PLPPR1: variants seen among roughly 807,000 people sequenced by gnomAD.
PLPPR1 encodes phospholipid phosphatase related 1, also known as phospholipid phosphatase-related protein type 1.
In PLPPR1, 10 loss-of-function variants were observed where a neutral mutation model predicts 33.1. The ratio of observed to expected loss-of-function variants is 0.30; its 90% CI spans 0.19 to 0.51. The LOEUF (loss-of-function observed/expected upper bound fraction) is 0.51. Ranked by LOEUF, PLPPR1 falls within the 20% of genes least tolerant of loss-of-function variation. PLPPR1 has a pLI of 0.97. For missense variants in PLPPR1, 304 were observed against 408.1 expected (o/e 0.74, Z 2.20); for synonymous variants, 151 against 151.0 (o/e 1.00, Z 0.00).
chr9:101,278,747 C>A (rs1290454629), intron 3 of PLPPR1, among the ~76,000 whole-genome samples: 1 of 152,172 alleles, frequency 6.6e-6, no homozygotes, highest in Non-Finnish European at 1.5e-5. Flanking sequence ...TCCCAGACTT[C>A]AAGCCTGTGA....
intron 1 of PLPPR1, among the ~76,000 whole-genome samples, chr9:101,093,188 C>T (rs1024058669): frequency 2.0e-5 from 3 of 152,176 alleles, no homozygotes; most frequent in Non-Finnish European, 4.4e-5. Flanking sequence ...ATAGCACTTT[C>T]ATCTAAATTA....
Position 101,300,464 on chromosome 9 carries a change from A to C in PLPPR1, c.386-8747A>C, listed in dbSNP as rs149861275. ...GATATTATAGGTGTGAGCAGAAACT[A>C]TTTAAGTTATTACATTAGAACATAA... On this transcript the variant is annotated intron_variant, in intron 4 of 7. Transcript: ENST00000374874. Among the ~76,000 whole-genome samples, 271 of 152,286 alleles carry C rather than the reference A, an allele frequency of 1.8e-3. 1 individual carries two copies. Among genetic ancestry groups the C allele is most frequent in the African/African-American group, 6.0e-3 (251 of 41,564 alleles).
At chr9:101,180,091 CCTTTATATATATAT>C (rs60047335) in intron 1 of PLPPR1, among the ~76,000 whole-genome samples, 1 of 93,874 alleles carries the variant, frequency 1.1e-5, no homozygotes, top group Non-Finnish European at 2.1e-5. Flanking sequence ...AATAAACTCT[CCTTTATATATATAT>C]ATATATATAT....
chr9:101,269,348 G>A (rs945304891), intron 2 of PLPPR1, among the ~76,000 whole-genome samples: 1 of 152,130 alleles, frequency 6.6e-6, no homozygotes, highest in East Asian at 1.9e-4. Flanking sequence ...TTAGGGTGTC[G>A]AAATTTCCCT....
chr9:101,291,624 G>A (rs1237119027), intron 4 of PLPPR1, among the ~76,000 whole-genome samples: 4 of 152,186 alleles, frequency 2.6e-5, no homozygotes, highest in South Asian at 2.1e-4. Flanking sequence ...AGCAGCATTC[G>A]CAGTTTACGA....
rs573603973 is a variant in PLPPR1, at chr9:101,258,435, T to C, written c.64-11445T>C. Among the ~76,000 whole-genome samples, 86 of 152,274 alleles carry C rather than the reference T, an allele frequency of 5.6e-4. 1 individual carries two copies. The highest frequency in any genetic ancestry group is 1.9e-3 in the African/African-American group (81 of 41,572). Reference sequence around the variant, plus strand: ...TCCCTCTGAGGGGCTTGGCACATGATTGGTGTGTAGCAGGAGTTTGCTGAC... The same window carrying C: ...TCCCTCTGAGGGGCTTGGCACATGACTGGTGTGTAGCAGGAGTTTGCTGAC... On this transcript the variant is annotated intron_variant, in intron 2 of 7. Transcript: ENST00000374874.
intron 1 of PLPPR1, among the ~76,000 whole-genome samples, chr9:101,108,011 GCACGGTGCGCGCAC>G (rs906954055): frequency 6.7e-6 from 1 of 148,558 alleles, no homozygotes; most frequent in Non-Finnish European, 1.5e-5. Flanking sequence ...TTCGGCTCGC[GCACGGTGCGCGCAC>G]ACACTGGCCT....
intron 2 of PLPPR1, among the ~76,000 whole-genome samples, chr9:101,200,683 A>G (rs1826476568): frequency 6.6e-6 from 1 of 151,852 alleles, no homozygotes; most frequent in African/African-American, 2.4e-5. Context: ...CTTCTGTGAA[A>G]TTTAATGGGT....
intron 4 of PLPPR1, among the ~76,000 whole-genome samples, chr9:101,291,885 T>TCTC (rs924821946): frequency 1.3e-5 from 2 of 152,122 alleles, no homozygotes; most frequent in Non-Finnish European, 2.9e-5. Context: ...GCAGAGCACC[T>TCTC]CTCCTCCTCC....
chr9:101,218,621 A>G (rs1028033162), intron 2 of PLPPR1, among the ~76,000 whole-genome samples: 1 of 152,186 alleles, frequency 6.6e-6, no homozygotes. Context: ...AATGGTAGCT[A>G]TTATTGTTAT....
intron 1 of PLPPR1, among the ~76,000 whole-genome samples, chr9:101,030,567 C>G (rs533211662): frequency 6.6e-6 from 1 of 151,812 alleles, no homozygotes; most frequent in African/African-American, 2.4e-5. Flanking sequence ...GTTGGTTGTA[C>G]CTGAAAGGCG....
intron 2 of PLPPR1, among the ~76,000 whole-genome samples, chr9:101,257,051 G>A (rs534213306): frequency 2.0e-5 from 3 of 152,080 alleles, no homozygotes; most frequent in Non-Finnish European, 1.5e-5. Context: ...GTAGAAAGTG[G>A]GGGAAGCTCT....
At chr9:101,267,960 T>C (rs1828027648) in intron 2 of PLPPR1, among the ~76,000 whole-genome samples, 2 of 152,136 alleles carry the variant, frequency 1.3e-5, no homozygotes, top group African/African-American at 4.8e-5. Flanking sequence ...TGTAGGGACA[T>C]GGATGAAGCT....
At chr9:101,226,796 C>T (rs367689360) in intron 2 of PLPPR1, among the ~76,000 whole-genome samples, 5 of 152,016 alleles carry the variant, frequency 3.3e-5, no homozygotes, top group African/African-American at 9.6e-5. Context: ...ACTGGTATAC[C>T]TGAAGGGGCA....
At chr9:101,306,021 A>C (rs865992900) in intron 4 of PLPPR1, among the ~76,000 whole-genome samples, 6 of 152,152 alleles carry the variant, frequency 3.9e-5, no homozygotes, top group African/African-American at 1.4e-4. Flanking sequence ...ATGTTCTTTT[A>C]GGTCACAAAG....
intron 2 of PLPPR1, among the ~76,000 whole-genome samples, chr9:101,232,070 G>A (rs76002777): frequency 0.027 from 4,139 of 152,068 alleles, 185 homozygotes; most frequent in African/African-American, 0.094. Context: ...GCATATTGCC[G>A]TGGAAAAAGG....
At chr9:101,266,825 A>G (rs1171505241) in intron 2 of PLPPR1, among the ~76,000 whole-genome samples, 1 of 152,130 alleles carries the variant, frequency 6.6e-6, no homozygotes. Flanking sequence ...TTCTTTTCCT[A>G]TGTATAAGTT....
At chr9:101,281,128 A>G (rs1025396731) in intron 3 of PLPPR1, among the ~76,000 whole-genome samples, 17 of 152,172 alleles carry the variant, frequency 1.1e-4, no homozygotes, top group Non-Finnish European at 1.8e-4. Context: ...ATATGCCAAC[A>G]ATGAACAATC....
intron 2 of PLPPR1, among the ~76,000 whole-genome samples, chr9:101,226,172 T>G (rs1380392955): frequency 6.6e-6 from 1 of 152,084 alleles, no homozygotes. Flanking sequence ...TTCCCAAAGG[T>G]GATTTTCCTG....
Sources: gnomAD v4.1 joint callset for allele counts (sites outside exome capture counted in the v4.1 genomes callset) on GRCh38, gnomAD v4.1.1 for gene constraint, MANE v1.5 for transcripts, NCBI Gene and HGNC (gene_info 2026-07-23, HGNC 2026-07-21) for gene names.